RSPO2: variants seen among roughly 807,000 people sequenced by gnomAD.
The protein encoded by RSPO2 is R-spondin 2.
Under a neutral mutation model 30.9 loss-of-function variants are expected in RSPO2, and 14 were observed. That is an observed-to-expected ratio of 0.45 (90% CI 0.30 to 0.71). The LOEUF (loss-of-function observed/expected upper bound fraction) is 0.71, where lower values mean the gene tolerates loss of function less well. Among genes scored for constraint, RSPO2 ranks in the 30% least tolerant of loss-of-function variants. The probability of loss-of-function intolerance (pLI) is 0.08; values close to 1 mark genes in which losing one functional copy is unlikely to be tolerated. For missense variants in RSPO2, 264 were observed against 301.9 expected (o/e 0.87, Z 0.93); for synonymous variants, 107 against 96.4 (o/e 1.11, Z -0.64).
chr8:107,938,694 T>C (rs1321572419), intron 5 of RSPO2, among the ~76,000 whole-genome samples: 1 of 152,092 alleles, frequency 6.6e-6, no homozygotes, highest in Non-Finnish European at 1.5e-5. Flanking sequence ...TGCACCAAAA[T>C]AAAATAAAGA....
At chr8:108,067,127 A>G (rs950174091) in intron 2 of RSPO2, among the ~76,000 whole-genome samples, 2 of 152,236 alleles carry the variant, frequency 1.3e-5, no homozygotes, top group African/African-American at 4.8e-5. Flanking sequence ...AGTCAATGGC[A>G]TTGAAAACTG....
At chr8:107,922,841 A>G (rs554927287) in intron 5 of RSPO2, among the ~76,000 whole-genome samples, 1 of 152,164 alleles carries the variant, frequency 6.6e-6, no homozygotes, top group East Asian at 1.9e-4. Context: ...CAATGGAGAC[A>G]GAACTCTAGT....
chr8:107,953,143 A>C (rs1450905513), intron 5 of RSPO2, among the ~76,000 whole-genome samples: 1 of 152,190 alleles, frequency 6.6e-6, no homozygotes, highest in Non-Finnish European at 1.5e-5. Flanking sequence ...AATGTGTCAG[A>C]AGGAAAAAAA....
chr8:107,938,735 A>G (rs1040041912), intron 5 of RSPO2, among the ~76,000 whole-genome samples: 3 of 152,200 alleles, frequency 2.0e-5, no homozygotes, highest in Admixed American at 6.5e-5. Context: ...AGAAATTTAA[A>G]CACAACAAAA....
At chr8:108,033,001 G>A (rs1184212128) in intron 2 of RSPO2, among the ~76,000 whole-genome samples, 2 of 120,480 alleles carry the variant, frequency 1.7e-5, no homozygotes, top group Non-Finnish European at 3.2e-5. Context: ...AGTGAGCCAA[G>A]ATCGCACCAC....
intron 5 of RSPO2, among the ~76,000 whole-genome samples, chr8:107,903,757 C>A (rs1030735766): frequency 1.3e-5 from 2 of 152,038 alleles, no homozygotes; most frequent in Non-Finnish European, 2.9e-5. Context: ...TGAATGACAC[C>A]TCTTTGCTAT....
At chr8:108,075,849 T>C (rs1229345286) in intron 2 of RSPO2, among the ~76,000 whole-genome samples, 2 of 152,176 alleles carry the variant, frequency 1.3e-5, no homozygotes, top group Non-Finnish European at 2.9e-5. Flanking sequence ...AAAAATGTTA[T>C]ATACAATGAC....
intron 5 of RSPO2, among the ~76,000 whole-genome samples, chr8:107,947,160 T>C (rs1253218567): frequency 6.6e-6 from 1 of 152,264 alleles, no homozygotes. Flanking sequence ...GTCAGCGGCA[T>C]GTTAGATAAA....
chr8:108,016,351 G>C (rs929052717), intron 2 of RSPO2, among the ~76,000 whole-genome samples: 20 of 152,142 alleles, frequency 1.3e-4, no homozygotes, highest in Non-Finnish European at 2.4e-4. Flanking sequence ...TTATGCTGAT[G>C]GGAAATCCCA....
At chr8:107,962,697 T>A (rs1813668566) in intron 3 of RSPO2, among the ~76,000 whole-genome samples, 1 of 151,784 alleles carries the variant, frequency 6.6e-6, no homozygotes, top group African/African-American at 2.4e-5. Context: ...TATATTTTTT[T>A]AAAAAACAAG....
intron 2 of RSPO2, among the ~76,000 whole-genome samples, chr8:108,055,079 C>G (rs994249080): frequency 6.6e-6 from 1 of 152,112 alleles, no homozygotes; most frequent in Non-Finnish European, 1.5e-5. Context: ...TGAGATCGCA[C>G]CACTGCACTC....
chr8:108,043,599 GAA>G (rs5893902), intron 2 of RSPO2, among the ~76,000 whole-genome samples: 26,010 of 147,910 alleles, frequency 0.18, 2,864 homozygotes, highest in Middle Eastern at 0.28. Context: ...AAGTATCTTG[GAA>G]AAAAAAAAAA....
intron 2 of RSPO2, among the ~76,000 whole-genome samples, chr8:108,041,425 A>G (rs1485842566): frequency 6.6e-6 from 1 of 152,114 alleles, no homozygotes. Flanking sequence ...CATGGAAGAG[A>G]TCATATCCAA....
At chr8:108,011,439 A>C (rs1168359338) in intron 2 of RSPO2, among the ~76,000 whole-genome samples, 1 of 152,242 alleles carries the variant, frequency 6.6e-6, no homozygotes, top group South Asian at 2.1e-4. Context: ...TTGGCACTTC[A>C]TAAACGTCTT....
chr8:107,951,093 A>G, intron 5 of RSPO2, among the ~76,000 whole-genome samples: 1 of 144,800 alleles, frequency 6.9e-6, no homozygotes, highest in South Asian at 2.2e-4. Flanking sequence ...TTTGAGAAGG[A>G]GTCTTGCTCT....
intron 5 of RSPO2, among the ~76,000 whole-genome samples, chr8:107,907,856 T>C (rs1811701753): frequency 6.6e-6 from 1 of 152,168 alleles, no homozygotes; most frequent in South Asian, 2.1e-4. Flanking sequence ...TATGAAATTA[T>C]GAAATGGCTT....
At chr8:107,924,107 CAAAA>C in intron 5 of RSPO2, among the ~76,000 whole-genome samples, 1 of 149,534 alleles carries the variant, frequency 6.7e-6, no homozygotes, top group Middle Eastern at 3.4e-3. Flanking sequence ...AAAAAAAAGA[CAAAA>C]AAGAGTGAAT....
chr8:108,073,257 G>A (rs1439806234), intron 2 of RSPO2, among the ~76,000 whole-genome samples: 3 of 152,206 alleles, frequency 2.0e-5, no homozygotes, highest in Admixed American at 2.0e-4. Flanking sequence ...TTTCGCCCCT[G>A]AACCAATAGG....
intron 5 of RSPO2, among the ~76,000 whole-genome samples, chr8:107,923,040 A>C (rs1361398881): frequency 2.6e-5 from 4 of 152,150 alleles, no homozygotes; most frequent in African/African-American, 9.6e-5. Flanking sequence ...TCATGAAGAC[A>C]GGAAAAGCAA....
Sources: gnomAD v4.1 joint callset for allele counts (sites outside exome capture counted in the v4.1 genomes callset) on GRCh38, gnomAD v4.1.1 for gene constraint, MANE v1.5 for transcripts, NCBI Gene and HGNC (gene_info 2026-07-23, HGNC 2026-07-21) for gene names.